The following NRXN1 variants were observed in gnomAD, a reference collection of about 807,000 sequenced individuals.
The protein encoded by NRXN1 is neurexin 1.
A neutral mutation model predicts 150.9 loss-of-function variants in NRXN1; 39 were observed. The observed-to-expected ratio is 0.26, with a 90% CI of 0.20 to 0.34. The LOEUF (loss-of-function observed/expected upper bound fraction) is 0.34. Among genes scored for constraint, NRXN1 ranks in the 10% least tolerant of loss-of-function variants. The pLI is 1.00. For missense variants in NRXN1, 1,815 were observed against 1,949.9 expected (o/e 0.93, Z 1.30); for synonymous variants, 924 against 757.0 (o/e 1.22, Z -3.62).
At chr2:50,317,714 A>G (rs545285353) in intron 17 of NRXN1, among the ~76,000 whole-genome samples, 4 of 152,074 alleles carry the variant, frequency 2.6e-5, no homozygotes, top group Non-Finnish European at 5.9e-5. Context: ...AGTAAATCTA[A>G]AGAAAGCCTT....
At chr2:50,528,320 G>A (rs976084322) in intron 12 of NRXN1, among the ~76,000 whole-genome samples, 1 of 151,944 alleles carries the variant, frequency 6.6e-6, no homozygotes, top group African/African-American at 2.4e-5. Context: ...TGGTTATGAA[G>A]AGAACAACTG....
At chr2:50,682,057 A>C (rs1690490835) in intron 5 of NRXN1, among the ~76,000 whole-genome samples, 1 of 152,176 alleles carries the variant, frequency 6.6e-6, no homozygotes, top group African/African-American at 2.4e-5. Flanking sequence ...GACAGCCAAT[A>C]AATGGCAGCT....
intron 22 of NRXN1, among the ~76,000 whole-genome samples, chr2:49,931,948 A>G (rs75495979): frequency 0.046 from 6,967 of 152,310 alleles, 215 homozygotes; most frequent in Non-Finnish European, 0.071. Context: ...CAAAATAATG[A>G]GATTTATTCC....
intron 18 of NRXN1, among the ~76,000 whole-genome samples, chr2:50,152,131 C>A (rs1574194736): frequency 6.6e-6 from 1 of 151,686 alleles, no homozygotes; most frequent in Non-Finnish European, 1.5e-5. Flanking sequence ...GTACAACGGT[C>A]ACCACCATGC....
At chr2:50,906,744 G>A (rs1683741457) in intron 5 of NRXN1, among the ~76,000 whole-genome samples, 1 of 151,912 alleles carries the variant, frequency 6.6e-6, no homozygotes, top group Non-Finnish European at 1.5e-5. Context: ...CTTACATTAT[G>A]CTTCTGCCTG....
At chr2:50,875,370 T>G (rs1463513224) in intron 5 of NRXN1, among the ~76,000 whole-genome samples, 4 of 151,800 alleles carry the variant, frequency 2.6e-5, no homozygotes, top group Non-Finnish European at 5.9e-5. Context: ...TCTACTAATG[T>G]ACACTCTCCA....
At chr2:50,140,934 A>T (rs1280951346) in intron 18 of NRXN1, among the ~76,000 whole-genome samples, 1 of 152,052 alleles carries the variant, frequency 6.6e-6, no homozygotes, top group Non-Finnish European at 1.5e-5. Context: ...CAACTACAAA[A>T]AATTATATTC....
intron 5 of NRXN1, among the ~76,000 whole-genome samples, chr2:50,737,969 A>C (rs10184889): frequency 6.6e-6 from 1 of 152,008 alleles, no homozygotes; most frequent in Non-Finnish European, 1.5e-5. Flanking sequence ...CAAAGACACA[A>C]AGGTTTATCA....
intron 15 of NRXN1, among the ~76,000 whole-genome samples, chr2:50,474,155 T>G (rs1211645280): frequency 6.6e-6 from 1 of 152,004 alleles, no homozygotes; most frequent in East Asian, 1.9e-4. Context: ...ATTTGATTTT[T>G]CTTCCATATT....
intron 4 of NRXN1, 116 bp downstream of exon 4, chr2:50,922,542 T>A (rs1686198297): frequency 1.1e-6 from 1 of 921,548 alleles, no homozygotes; most frequent in East Asian, 2.6e-5. Context: ...GATATGTATT[T>A]AATTTGCAGC....
intron 17 of NRXN1, among the ~76,000 whole-genome samples, chr2:50,300,819 C>T (rs1053305119): frequency 2.0e-5 from 3 of 152,142 alleles, no homozygotes; most frequent in Non-Finnish European, 4.4e-5. Context: ...CCTCAGCCTC[C>T]TGAGTAGCCG....
intron 2 of NRXN1, among the ~76,000 whole-genome samples, chr2:50,959,389 T>C (rs1692786569): frequency 1.3e-5 from 2 of 152,022 alleles, no homozygotes; most frequent in South Asian, 4.1e-4. Flanking sequence ...ATGAATAAAA[T>C]ATGCTATATT....
At chr2:50,936,704 T>C (rs747518025) in intron 2 of NRXN1, among the ~76,000 whole-genome samples, 3 of 152,122 alleles carry the variant, frequency 2.0e-5, no homozygotes, top group Non-Finnish European at 4.4e-5. Flanking sequence ...GAAAGTGTCA[T>C]CGTTTTTTTA....
chr2:50,559,634 CAG>C (rs1235300673), intron 8 of NRXN1, among the ~76,000 whole-genome samples: 1 of 152,074 alleles, frequency 6.6e-6, no homozygotes, highest in African/African-American at 2.4e-5. Context: ...TACACACAAC[CAG>C]AGTTTAAACA....
intron 16 of NRXN1, among the ~76,000 whole-genome samples, chr2:50,469,037 C>T (rs564219997): frequency 6.6e-6 from 1 of 151,502 alleles, no homozygotes; most frequent in Non-Finnish European, 1.5e-5. Context: ...AATTCCAGTG[C>T]CCATTTTCTG....
intron 5 of NRXN1, among the ~76,000 whole-genome samples, chr2:50,739,868 GTCATTGAAACA>G (rs1427833549): frequency 6.6e-6 from 1 of 151,968 alleles, no homozygotes; most frequent in Admixed American, 6.6e-5. Flanking sequence ...GTCTTTTATT[GTCATTGAAACA>G]TAATAGAATT....
intron 18 of NRXN1, among the ~76,000 whole-genome samples, chr2:50,160,868 G>T (rs926281607): frequency 6.6e-6 from 1 of 151,880 alleles, no homozygotes; most frequent in South Asian, 2.1e-4. Context: ...TTATTTCCTG[G>T]GCTTTTAAAA....
At chr2:50,302,882 T>C (rs2074286586) in intron 17 of NRXN1, among the ~76,000 whole-genome samples, 1 of 151,714 alleles carries the variant, frequency 6.6e-6, no homozygotes, top group Admixed American at 6.6e-5. Flanking sequence ...AAAATAAATC[T>C]GCATTCATTT....
At chr2:50,576,170 C>T (rs940211030) in intron 8 of NRXN1, among the ~76,000 whole-genome samples, 1 of 152,052 alleles carries the variant, frequency 6.6e-6, no homozygotes, top group African/African-American at 2.4e-5. Context: ...AAAGAGATAT[C>T]CACACATATG....
Sources: allele counts gnomAD v4.1 joint callset (sites outside exome capture counted in the v4.1 genomes callset), GRCh38; gene constraint gnomAD v4.1.1; transcripts MANE v1.5; gene names NCBI Gene and HGNC (gene_info 2026-07-23, HGNC 2026-07-21).